Variants in VPS13B observed in about 807,000 individuals in gnomAD.
The protein encoded by VPS13B is vacuolar protein sorting 13 homolog B, also known as intermembrane lipid transfer protein VPS13B.
A neutral mutation model predicts 426.4 loss-of-function variants in VPS13B; 285 were observed. The observed-to-expected ratio is 0.67, with a 90% confidence interval of 0.61 to 0.74. VPS13B has a LOEUF of 0.74. Ranked by LOEUF, VPS13B falls within the 30% of genes least tolerant of loss-of-function variation. The probability of loss-of-function intolerance (pLI) is 0.00; values close to 1 mark genes in which losing one functional copy is unlikely to be tolerated. For synonymous variants in VPS13B, 1,676 were observed against 1,676.4 expected (o/e 1.00, Z 0.01); for missense variants, 4,537 against 4,782.6 (o/e 0.95, Z 1.51).
intron 36 of VPS13B, among the ~76,000 whole-genome samples, chr8:99,700,373 G>A (rs1199067769): frequency 6.6e-6 from 1 of 152,190 alleles, no homozygotes; most frequent in African/African-American, 2.4e-5. Flanking sequence ...TCTGGGCATG[G>A]AGCCCAGCAA....
At chr8:99,055,454 A>G (rs947324830) in intron 3 of VPS13B, among the ~76,000 whole-genome samples, 4 of 152,182 alleles carry the variant, frequency 2.6e-5, no homozygotes, top group Admixed American at 6.5e-5. Flanking sequence ...TAGGGATTGT[A>G]CTGAATCTGT....
Position 99,013,277 on chromosome 8 carries a change from G to A in VPS13B, c.-100G>A. 4.3e-6 allele frequency: 1 copy of A among 233,666 alleles called. No individual in the cohort carries two copies. Among genetic ancestry groups the A allele is most frequent in the Non-Finnish European group, 8.6e-6 (1 of 116,414 alleles). The allele number at this position is 233,666 out of a possible 1,614,324, so 14.5% of individuals were successfully genotyped here. ...ACACACCCGGAAGTGGCGCGGTACA[G>A]GAGCAGCACTGCCGGCGGGGGCGGG... On this transcript the variant is annotated 5_prime_UTR_variant, in exon 1 of 62. Coordinates refer to ENST00000357162, the MANE Select transcript of VPS13B (RefSeq NM_152564.5).
intron 33 of VPS13B, 78 bp downstream of exon 33, chr8:99,577,711 G>C (rs1797180711): frequency 1.3e-6 from 2 of 1,539,014 alleles, no homozygotes; most frequent in African/African-American, 1.4e-5. Flanking sequence ...CTATAATTAA[G>C]CTGACTGCTT....
chr8:99,571,894 C>T (rs1825495594), intron 31 of VPS13B, among the ~76,000 whole-genome samples: 1 of 152,118 alleles, frequency 6.6e-6, no homozygotes, highest in African/African-American at 2.4e-5. Context: ...GTCATAGAAC[C>T]AGATGATCCA....
chr8:99,531,495 T>C (rs1292655554), intron 30 of VPS13B, among the ~76,000 whole-genome samples: 2 of 152,142 alleles, frequency 1.3e-5, no homozygotes, highest in African/African-American at 4.8e-5. Flanking sequence ...AATTTAGTTA[T>C]TAATCTAGTT....
At chr8:99,287,792 A>G (rs1819525548) in intron 19 of VPS13B, among the ~76,000 whole-genome samples, 1 of 152,076 alleles carries the variant, frequency 6.6e-6, no homozygotes, top group South Asian at 2.1e-4. Flanking sequence ...TGTGAAATTG[A>G]TAAATGTTTA....
chr8:99,503,980 C>G (rs1224452002), intron 27 of VPS13B, among the ~76,000 whole-genome samples: 1 of 152,098 alleles, frequency 6.6e-6, no homozygotes, highest in African/African-American at 2.4e-5. Flanking sequence ...CTATCTGATA[C>G]AGTTTGGATA....
chr8:99,309,985 T>C (rs1024212160), intron 19 of VPS13B, among the ~76,000 whole-genome samples: 2 of 152,204 alleles, frequency 1.3e-5, no homozygotes, highest in Non-Finnish European at 2.9e-5. Flanking sequence ...TCTCTGTTTG[T>C]CTGTTATTGG....
At chr8:99,127,233 C>T (rs923918163) in intron 8 of VPS13B, among the ~76,000 whole-genome samples, 1 of 152,134 alleles carries the variant, frequency 6.6e-6, no homozygotes, top group African/African-American at 2.4e-5. Flanking sequence ...CTTTGACCCT[C>T]TCTTCTTTTC....
At chr8:99,364,227 T>G (rs1812713979) in intron 19 of VPS13B, among the ~76,000 whole-genome samples, 1 of 152,222 alleles carries the variant, frequency 6.6e-6, no homozygotes, top group Admixed American at 6.5e-5. Context: ...GATCATATGG[T>G]TTTCTCCTTA....
At chr8:99,617,990 A>G (rs552159961) in intron 33 of VPS13B, among the ~76,000 whole-genome samples, 1 of 152,244 alleles carries the variant, frequency 6.6e-6, no homozygotes, top group East Asian at 1.9e-4. Context: ...CTGTTCCCAG[A>G]AAAATGTACC....
chr8:99,201,456 C>T (rs1814319979), intron 17 of VPS13B, among the ~76,000 whole-genome samples: 1 of 152,088 alleles, frequency 6.6e-6, no homozygotes, highest in South Asian at 2.1e-4. Flanking sequence ...CTTCAAGCAT[C>T]AAAACTGCAA....
At chr8:99,386,991 T>C (rs1814160146) in intron 20 of VPS13B, among the ~76,000 whole-genome samples, 1 of 151,992 alleles carries the variant, frequency 6.6e-6, no homozygotes. Context: ...GAATAAAAGG[T>C]AAACTAACAA....
At chr8:99,389,099 A>G (rs1216244568) in intron 20 of VPS13B, among the ~76,000 whole-genome samples, 2 of 152,122 alleles carry the variant, frequency 1.3e-5, no homozygotes, top group Middle Eastern at 3.2e-3. Flanking sequence ...CAGTGAACCA[A>G]GATTGCACCA....
intron 25 of VPS13B, among the ~76,000 whole-genome samples, chr8:99,500,807 T>A (rs528254425): frequency 6.6e-6 from 1 of 152,310 alleles, no homozygotes; most frequent in Admixed American, 6.5e-5. Context: ...ACTCAACATA[T>A]CAATGATTGC....
chr8:99,875,785 C>T lies in VPS13B; in HGVS notation c.*119C>T, dbSNP rs771837951. The T allele has an allele frequency of 3.7e-6, 5 of 1,340,964 alleles. No individual in the cohort carries two copies. Among genetic ancestry groups the T allele is most frequent in the Non-Finnish European group, 5.2e-6 (5 of 958,132 alleles). 83.1% of individuals were successfully genotyped at this position (1,340,964 alleles called of 1,614,324 possible). Reference sequence around the variant, plus strand: ...TTCTGGGGTTCAAGCAATCCTCCCACCTCAACCCACAAGTAGCTACGACTG... The same window carrying T: ...TTCTGGGGTTCAAGCAATCCTCCCATCTCAACCCACAAGTAGCTACGACTG... On this transcript the variant is annotated 3_prime_UTR_variant, in exon 62 of 62. Transcript: ENST00000357162.
chr8:99,380,284 G>A (rs574831685), intron 19 of VPS13B, among the ~76,000 whole-genome samples: 14 of 152,112 alleles, frequency 9.2e-5, no homozygotes, highest in African/African-American at 3.4e-4. Context: ...AGTGATACTT[G>A]GGAAGTAGAA....
chr8:99,539,788 T>C (rs906328986), intron 30 of VPS13B, among the ~76,000 whole-genome samples: 3 of 151,602 alleles, frequency 2.0e-5, no homozygotes, highest in Admixed American at 1.3e-4. Context: ...AAATTGGTAA[T>C]GGAAAAGATG....
intron 16 of VPS13B, among the ~76,000 whole-genome samples, chr8:99,184,152 C>T (rs1368111768): frequency 6.6e-6 from 1 of 152,124 alleles, no homozygotes; most frequent in Admixed American, 6.5e-5. Context: ...GTTGCTTACA[C>T]TTTTAAGGCT....
Sources: gnomAD v4.1 joint callset for allele counts (sites outside exome capture counted in the v4.1 genomes callset) on GRCh38, gnomAD v4.1.1 for gene constraint, MANE v1.5 for transcripts, NCBI Gene and HGNC (gene_info 2026-07-23, HGNC 2026-07-21) for gene names.